GRM8: variants seen among roughly 807,000 people sequenced by gnomAD.
GRM8 encodes the protein metabotropic glutamate receptor 8.
A neutral mutation model predicts 87.2 loss-of-function variants in GRM8; 47 were observed. The observed-to-expected ratio is 0.54, with a 90% CI of 0.43 to 0.69. The LOEUF is 0.69. Ranked by LOEUF, GRM8 falls within the 30% of genes least tolerant of loss-of-function variation. GRM8 has a pLI of 0.00. For synonymous variants in GRM8, 396 were observed against 404.5 expected, an observed-to-expected ratio of 0.98 and a Z score of 0.25; for missense variants, 1,019 against 1,139.2, an observed-to-expected ratio of 0.89 and a Z score of 1.52.
chr7:126,542,033 G>A (rs2150897783), intron 8 of GRM8, among the ~76,000 whole-genome samples: 1 of 152,276 alleles, frequency 6.6e-6, no homozygotes, highest in South Asian at 2.1e-4. Flanking sequence ...TTAGGACACA[G>A]GCATGAATAG....
intron 9 of GRM8, among the ~76,000 whole-genome samples, chr7:126,451,668 C>T (rs574812554): frequency 6.6e-6 from 1 of 151,824 alleles, no homozygotes; most frequent in East Asian, 2.0e-4. Flanking sequence ...CTGAGAACTC[C>T]TCTGGTTTAC....
At chr7:126,798,683 C>T (rs1822270944) in intron 6 of GRM8, among the ~76,000 whole-genome samples, 1 of 152,146 alleles carries the variant, frequency 6.6e-6, no homozygotes, top group South Asian at 2.1e-4. Flanking sequence ...CAGTTTCCTT[C>T]AACAAGACGT....
chr7:126,737,528 C>T (rs1814372892), intron 7 of GRM8, among the ~76,000 whole-genome samples: 1 of 151,958 alleles, frequency 6.6e-6, no homozygotes, highest in Non-Finnish European at 1.5e-5. Context: ...TATCGTAATT[C>T]CCCCGTCTTG....
At chr7:126,482,449 A>G (rs1332235545) in intron 9 of GRM8, among the ~76,000 whole-genome samples, 2 of 152,020 alleles carry the variant, frequency 1.3e-5, no homozygotes, top group East Asian at 1.9e-4. Flanking sequence ...GTATAAACAT[A>G]CTATGGAATA....
intron 8 of GRM8, among the ~76,000 whole-genome samples, chr7:126,592,561 A>C (rs1796785995): frequency 6.6e-6 from 1 of 151,994 alleles, no homozygotes; most frequent in Non-Finnish European, 1.5e-5. Flanking sequence ...GCAGATAAAA[A>C]ATATTTGACA....
chr7:126,492,048 A>G (rs1015131642), intron 9 of GRM8, among the ~76,000 whole-genome samples: 1 of 151,924 alleles, frequency 6.6e-6, no homozygotes, highest in Non-Finnish European at 1.5e-5. Flanking sequence ...CATAATTAAC[A>G]TTTCTGAATA....
chr7:126,812,924 A>G (rs1793434909), intron 6 of GRM8, among the ~76,000 whole-genome samples: 1 of 152,040 alleles, frequency 6.6e-6, no homozygotes, highest in Non-Finnish European at 1.5e-5. Context: ...GTCTACCACC[A>G]ATGGGCATTT....
chr7:127,063,648 T>C (rs1218436098), intron 3 of GRM8, among the ~76,000 whole-genome samples: 2 of 152,206 alleles, frequency 1.3e-5, no homozygotes, highest in African/African-American at 4.8e-5. Context: ...TCAGTTCAGC[T>C]CTGATTTTTG....
At chr7:126,849,402 T>C (rs1277191681) in intron 6 of GRM8, among the ~76,000 whole-genome samples, 1 of 152,146 alleles carries the variant, frequency 6.6e-6, no homozygotes, top group African/African-American at 2.4e-5. Flanking sequence ...TCTTAGGAAT[T>C]CTCACAATTA....
chr7:126,444,803 A>G (rs1401699396), intron 10 of GRM8, among the ~76,000 whole-genome samples: 1 of 152,004 alleles, frequency 6.6e-6, no homozygotes. Flanking sequence ...GGGGATACAG[A>G]CTGCTGGATG....
chr7:126,804,639 A>G (rs1168279740), intron 6 of GRM8, among the ~76,000 whole-genome samples: 1 of 152,216 alleles, frequency 6.6e-6, no homozygotes, highest in Non-Finnish European at 1.5e-5. Flanking sequence ...AGACACCTGC[A>G]TTTTATCCTC....
intron 2 of GRM8, among the ~76,000 whole-genome samples, chr7:127,137,840 C>A (rs1268761378): frequency 6.6e-6 from 1 of 152,172 alleles, no homozygotes; most frequent in East Asian, 1.9e-4. Flanking sequence ...CAATCTTCTT[C>A]ATTTACTGTC....
At chr7:126,556,383 A>T (rs1405562797) in intron 8 of GRM8, among the ~76,000 whole-genome samples, 1 of 147,874 alleles carries the variant, frequency 6.8e-6, no homozygotes, top group Admixed American at 6.8e-5. Context: ...GTGGTAGCTC[A>T]TGTCTGCAAT....
intron 7 of GRM8, among the ~76,000 whole-genome samples, chr7:126,620,282 C>T (rs138688266): frequency 6.6e-6 from 1 of 152,280 alleles, no homozygotes; most frequent in African/African-American, 2.4e-5. Context: ...GAGCAAGATG[C>T]TGTCTTAAAA....
intron 2 of GRM8, among the ~76,000 whole-genome samples, chr7:127,135,453 C>CAAAAAAACA: frequency 6.6e-6 from 1 of 151,592 alleles, no homozygotes; most frequent in South Asian, 2.1e-4. Flanking sequence ...TTTACTAATT[C>CAAAAAAACA]CAACTGATCT....
At chr7:127,100,126 T>C (rs186176267) in intron 3 of GRM8, among the ~76,000 whole-genome samples, 22 of 152,252 alleles carry the variant, frequency 1.4e-4, no homozygotes, top group Non-Finnish European at 7.4e-5. Context: ...ATTTTTTATT[T>C]CTAGTCTCCA....
intron 10 of GRM8, 187 bp downstream of exon 10, chr7:126,445,939 A>T: frequency 1.5e-6 from 1 of 653,710 alleles, no homozygotes; most frequent in Non-Finnish European, 2.7e-6. Context: ...ACTCTGTAGA[A>T]CAGCCGCTCA....
intron 3 of GRM8, among the ~76,000 whole-genome samples, chr7:126,908,260 G>T (rs1802915668): frequency 6.6e-6 from 1 of 152,016 alleles, no homozygotes; most frequent in Non-Finnish European, 1.5e-5. Flanking sequence ...ATAGAACTCT[G>T]AAAAAAATCA....
chr7:127,153,633 A>G (rs2116129799), intron 2 of GRM8, among the ~76,000 whole-genome samples: 1 of 152,236 alleles, frequency 6.6e-6, no homozygotes, highest in African/African-American at 2.4e-5. Flanking sequence ...GAAGTTGGTG[A>G]CTATGAACTT....
Sources: allele counts gnomAD v4.1 joint callset (sites outside exome capture counted in the v4.1 genomes callset), GRCh38; gene constraint gnomAD v4.1.1; transcripts MANE v1.5; gene names NCBI Gene and HGNC (gene_info 2026-07-23, HGNC 2026-07-21).